Variants in CPNE4 observed in about 807,000 individuals in gnomAD.
CPNE4 encodes copine-4.
CPNE4 carries 25 observed loss-of-function variants against 67.9 expected under a neutral mutation model. That is an observed-to-expected ratio of 0.37 (90% CI 0.27 to 0.51). The LOEUF (loss-of-function observed/expected upper bound fraction) is 0.51, where lower values mean the gene tolerates loss of function less well. Among genes scored for constraint, CPNE4 ranks in the 20% least tolerant of loss-of-function variants. The pLI is 0.93. For synonymous variants in CPNE4, 242 were observed against 244.9 expected (o/e 0.99, Z 0.11); for missense variants, 464 against 690.8 (o/e 0.67, Z 3.68).
rs562581305 is a variant in CPNE4, at chr3:131,961,969, G to A, written c.-1-56525C>T. ...TCTCAACGTTATCTCTATCCCATCT[G>A]GCCATATCTAGATCATCTCATTTAA... On this transcript the variant is annotated intron_variant, in intron 1 of 15. Transcript: ENST00000429747. 1.7e-4 allele frequency among the ~76,000 whole-genome samples: 26 copies of A among 152,136 alleles called. 1 individual carries two copies. Among genetic ancestry groups the A allele is most frequent in the Non-Finnish European group, 8.8e-5 (6 of 68,018 alleles).
intron 2 of CPNE4, among the ~76,000 whole-genome samples, chr3:131,876,285 C>T (rs990890008): frequency 2.1e-5 from 3 of 142,126 alleles, no homozygotes; most frequent in Non-Finnish European, 3.1e-5. Flanking sequence ...TAAATAAATA[C>T]GAATACAACC....
chr3:131,808,453 A>T (rs1411059467), intron 2 of CPNE4, among the ~76,000 whole-genome samples: 1 of 152,148 alleles, frequency 6.6e-6, no homozygotes, highest in Non-Finnish European at 1.5e-5. Flanking sequence ...ATGAGGAAAT[A>T]CTTTGATAAG....
chr3:131,890,999 G>A (rs150403343), intron 2 of CPNE4, among the ~76,000 whole-genome samples: 1 of 152,208 alleles, frequency 6.6e-6, no homozygotes, highest in East Asian at 1.9e-4. Flanking sequence ...GTAATTCCCA[G>A]AGATGTGCTG....
rs569376803 is a variant in CPNE4 at position 131,895,186 on chromosome 3, G to T, written c.180+10078C>A. ...GTTGGTATCATAGAAGCAGAGAGTA[G>T]AACAGTGGATACCAGAGGCTGAGAA... On this transcript the variant is annotated intron_variant, in intron 2 of 15. Transcript: ENST00000429747. Among the ~76,000 whole-genome samples the T allele has an allele frequency of 2.0e-5, 3 of 152,120 alleles. No individual in the cohort carries two copies. The East Asian group carries it at 5.8e-4, about 29-fold the overall frequency.
chr3:131,992,275 G>A (rs1031948029), intron 1 of CPNE4, among the ~76,000 whole-genome samples: 2 of 136,992 alleles, frequency 1.5e-5, no homozygotes, highest in Non-Finnish European at 3.3e-5. Flanking sequence ...ACCCTGCAAA[G>A]CCACAGGGAC....
At chr3:132,009,593 C>G (rs1447430063) in intron 1 of CPNE4, among the ~76,000 whole-genome samples, 1 of 152,168 alleles carries the variant, frequency 6.6e-6, no homozygotes, top group South Asian at 2.1e-4. Context: ...TTTTCAATGA[C>G]ACACTCCAGG....
chr3:131,958,728 G>A (rs1364076224), intron 1 of CPNE4, among the ~76,000 whole-genome samples: 1 of 145,944 alleles, frequency 6.9e-6, no homozygotes, highest in Non-Finnish European at 1.5e-5. Flanking sequence ...AGGCGATCTT[G>A]GCTCACGGCA....
chr3:131,818,145 G>T (rs930971669), intron 2 of CPNE4, among the ~76,000 whole-genome samples: 9 of 152,186 alleles, frequency 5.9e-5, no homozygotes, highest in African/African-American at 2.2e-4. Flanking sequence ...TCAGTGTCAA[G>T]AAATTGGTTT....
chr3:131,546,949 A>C (rs571782858), intron 14 of CPNE4, among the ~76,000 whole-genome samples: 25 of 152,298 alleles, frequency 1.6e-4, no homozygotes, highest in African/African-American at 6.0e-4. Context: ...TGAGTTTCTA[A>C]GCAAGTTATC....
At chr3:131,627,783 A>G (rs2079116597) in intron 7 of CPNE4, among the ~76,000 whole-genome samples, 1 of 152,244 alleles carries the variant, frequency 6.6e-6, no homozygotes, top group East Asian at 1.9e-4. Flanking sequence ...TAGCAAGAGA[A>G]CTAGAATTAG....
At chr3:131,860,490 C>T (rs79798583) in intron 2 of CPNE4, among the ~76,000 whole-genome samples, 2,080 of 152,234 alleles carry the variant, frequency 0.014, 28 homozygotes, top group Non-Finnish European at 0.018. Flanking sequence ...TTTTCTTGCC[C>T]CAACTCAGAG....
intron 6 of CPNE4, among the ~76,000 whole-genome samples, chr3:131,675,336 T>C (rs2080528037): frequency 1.3e-5 from 2 of 152,168 alleles, no homozygotes; most frequent in African/African-American, 2.4e-5. Flanking sequence ...ATTTGGCCTA[T>C]GGTGTAGATG....
chr3:131,608,794 C>G (rs935056114), intron 7 of CPNE4, among the ~76,000 whole-genome samples: 2 of 152,070 alleles, frequency 1.3e-5, no homozygotes, highest in Admixed American at 6.5e-5. Flanking sequence ...AGTCTAAAAT[C>G]CCTACCATAG....
At chr3:131,850,854 A>ATC (rs1431615338) in intron 2 of CPNE4, among the ~76,000 whole-genome samples, 1 of 152,112 alleles carries the variant, frequency 6.6e-6, no homozygotes, top group Admixed American at 6.6e-5. Context: ...AGTAAGTAAC[A>ATC]GAGTGGGAAT....
At chr3:131,688,763 AAAG>A (rs1485939218) in intron 5 of CPNE4, among the ~76,000 whole-genome samples, 1 of 152,206 alleles carries the variant, frequency 6.6e-6, no homozygotes, top group East Asian at 1.9e-4. Context: ...ACAAAAATAA[AAAG>A]AAGGAAAAAA....
At chr3:131,860,774 C>A (rs986081970) in intron 2 of CPNE4, among the ~76,000 whole-genome samples, 3 of 152,118 alleles carry the variant, frequency 2.0e-5, no homozygotes, top group Non-Finnish European at 4.4e-5. Flanking sequence ...GTGTGCCAAT[C>A]AATGCAAACA....
At chr3:131,686,200 G>T (rs1201509041) in intron 5 of CPNE4, among the ~76,000 whole-genome samples, 4 of 152,174 alleles carry the variant, frequency 2.6e-5, no homozygotes, top group Non-Finnish European at 5.9e-5. Flanking sequence ...CCCTTGGCTA[G>T]AATGGACTGC....
chr3:131,647,864 C>A (rs1050768673), intron 7 of CPNE4, among the ~76,000 whole-genome samples: 33 of 152,116 alleles, frequency 2.2e-4, no homozygotes, highest in Admixed American at 9.8e-4. Flanking sequence ...CAAATGACTC[C>A]TTTGCTCTTT....
chr3:131,898,971 C>A (rs2088446182), intron 2 of CPNE4, among the ~76,000 whole-genome samples: 1 of 152,034 alleles, frequency 6.6e-6, no homozygotes, highest in Non-Finnish European at 1.5e-5. Flanking sequence ...AGAAAACTGT[C>A]GTTTTTTTAT....
Sources: gnomAD v4.1 joint callset for allele counts (sites outside exome capture counted in the v4.1 genomes callset) on GRCh38, gnomAD v4.1.1 for gene constraint, MANE v1.5 for transcripts, NCBI Gene and HGNC (gene_info 2026-07-23, HGNC 2026-07-21) for gene names.